Variants in NIT2 observed in about 807,000 individuals in gnomAD.
NIT2 encodes the protein nitrilase family member 2, also known as omega-amidase NIT2.
A neutral mutation model predicts 42.7 loss-of-function variants in NIT2; 46 were observed. The observed-to-expected ratio is 1.08, with a 90% CI of 0.85 to 1.38. The LOEUF is 1.38. Ranked by LOEUF, NIT2 falls within the 40% of genes most tolerant of loss-of-function variation. The pLI, the probability that NIT2 is intolerant of heterozygous loss-of-function variation, is 0.00. For synonymous variants in NIT2, 123 were observed against 121.9 expected (o/e 1.01, Z -0.06); for missense variants, 309 against 342.5 (o/e 0.90, Z 0.77).
intron 3 of NIT2, 25 bp from the exon 4 acceptor site, chr3:100,341,048 G>T (rs764901312): frequency 1.1e-5 from 17 of 1,482,756 alleles, no homozygotes; most frequent in Non-Finnish European, 1.6e-5. Flanking sequence ...TTTTTCTTAT[G>T]GTATGTTTCT....
Position 100,348,845 on chromosome 3 carries a change from C to CTGG in NIT2, c.549_551dup (p.Gly184dup). The CTGG allele has an allele frequency of 6.2e-7, 1 of 1,614,118 alleles. No individual in the cohort carries two copies. The highest frequency in any genetic ancestry group is 8.5e-7 in the Non-Finnish European group (1 of 1,179,960). ...TATCCAGGAGCTTTTAATCTGACCA[C>CTGG]TGGACCAGCCCATTGGGAGTTACTT... On this transcript the variant is annotated inframe_insertion, in exon 7 of 10. Coordinates refer to ENST00000394140, the MANE Select transcript of NIT2 (RefSeq NM_020202.5).
At chr3:100,344,031 G>T (rs1444631660) in intron 4 of NIT2, among the ~76,000 whole-genome samples, 1 of 152,188 alleles carries the variant, frequency 6.6e-6, no homozygotes, top group East Asian at 1.9e-4. Context: ...CTATCTGGTT[G>T]TTCTGCCCCA....
intron 1 of NIT2, among the ~76,000 whole-genome samples, chr3:100,337,268 T>C (rs1023659141): frequency 1.6e-4 from 24 of 152,002 alleles, no homozygotes; most frequent in Non-Finnish European, 2.9e-4. Context: ...AGTAATAATC[T>C]GATCGCTCTT....
At position 100,339,111 on chromosome 3, in the gene NIT2, T is replaced by C; in HGVS notation, c.32T>C (p.Leu11Pro). 1.2e-6 allele frequency: 2 copies of C among 1,613,992 alleles called. No homozygotes were observed. Among genetic ancestry groups the C allele is most frequent in the Non-Finnish European group, 1.7e-6 (2 of 1,179,866 alleles). MTSFRLALIQ[L>P]QISSIKSDNV... is the part of the protein sequence containing the mutation. ...GCTTTCCGCTTGGCCCTCATCCAGC[T>C]TCAGATTTCTTCCATCAAATCAGAT... The change falls in exon 2 of 10, where the codon CTT (leucine) becomes CCT (proline). Residue 11 changes from leucine to proline, a missense_variant. Leu to Pro is a moderately conservative substitution (Grantham distance 98). Transcript: ENST00000394140.
Position 100,339,934 on chromosome 3 carries a change from A to C in NIT2, c.246A>C (p.Gly82=), listed in dbSNP as rs371053950. Residue 82 remains glycine, a splice_region_variant and synonymous_variant, in exon 3 of 10, where the codon GGA becomes GGC. Transcript: ENST00000394140. ...AGGAATGCAGCATATATCTCATTGGAGGTAACTTCCTACCCACAAGGTATA... is the reference window on the plus strand; with the variant it reads ...AGGAATGCAGCATATATCTCATTGGCGGTAACTTCCTACCCACAAGGTATA... ...VAKECSIYLI[G]GSIPEEDAGK... 5.3e-5 allele frequency: 85 copies of C among 1,611,078 alleles called. No homozygotes were observed. The highest frequency in any genetic ancestry group is 7.0e-5 in the Non-Finnish European group (83 of 1,178,726).
At position 100,352,018 on chromosome 3, in the gene NIT2, A is replaced by G. The variant is rs529711025; in HGVS notation, c.585-386A>G. ...AAAACACATGAAAAAAATGCTCACC[A>G]TCAGTGGCCATCAGAGAAATGCAAA... On this transcript the variant is annotated intron_variant, in intron 7 of 9. Transcript: ENST00000394140. 6.6e-5 allele frequency among the ~76,000 whole-genome samples: 10 copies of G among 152,338 alleles called. No homozygotes were observed. In the South Asian group the frequency reaches 2.1e-3, roughly 32 times the overall value.
intron 8 of NIT2, among the ~76,000 whole-genome samples, chr3:100,354,093 G>A (rs962164882): frequency 6.6e-6 from 1 of 152,186 alleles, no homozygotes; most frequent in African/African-American, 2.4e-5. Context: ...GGTTTTACAG[G>A]TCAGCCTTAC....
Position 100,356,359 on chromosome 3 carries a change from T to C in NIT2, c.*1091T>C, listed in dbSNP as rs953008705. 6.6e-6 allele frequency: 1 copy of C among 152,246 alleles called. No homozygotes were observed. Among genetic ancestry groups the C allele is most frequent in the African/African-American group, 2.4e-5 (1 of 41,470 alleles). The allele number at this position is 152,246 out of a possible 1,614,324, so 9.4% of individuals were successfully genotyped here. On this transcript the variant is annotated 3_prime_UTR_variant, in exon 10 of 10. Transcript: ENST00000394140. The stretch of plus-strand genomic sequence containing the variant: ...TGCATGACACCTCTAAACACAGAGT[T>C]GGGAATAGATGTGCACAATCAGCTC...
intron 4 of NIT2, among the ~76,000 whole-genome samples, chr3:100,344,600 A>G (rs1329708120): frequency 2.6e-5 from 4 of 151,984 alleles, no homozygotes; most frequent in African/African-American, 9.7e-5. Context: ...AACATTTGTG[A>G]GATTTATTCC....
intron 4 of NIT2, among the ~76,000 whole-genome samples, chr3:100,342,638 T>C (rs952715879): frequency 6.6e-6 from 1 of 152,036 alleles, no homozygotes; most frequent in African/African-American, 2.4e-5. Flanking sequence ...CTTATAATGA[T>C]ATAGGTCCAT....
At chr3:100,350,012 G>T (rs554033544) in intron 7 of NIT2, 12 of 152,250 alleles carry the variant, frequency 7.9e-5, no homozygotes, top group Non-Finnish European at 1.3e-4. Flanking sequence ...ATAGAGGTTG[G>T]TGAATTTTTG....
At chr3:100,348,689 T>C (rs1706242044) in intron 6 of NIT2, 114 bp from the exon 7 acceptor site, 1 of 766,240 alleles carries the variant, frequency 1.3e-6, no homozygotes, top group Non-Finnish European at 2.2e-6. Flanking sequence ...GCTGACATCT[T>C]TTTATGTTTG....
chr3:100,342,759 A>G (rs1194814106), intron 4 of NIT2, among the ~76,000 whole-genome samples: 2 of 152,104 alleles, frequency 1.3e-5, no homozygotes, highest in African/African-American at 4.8e-5. Context: ...TTAAATAGTC[A>G]TATGTATTTT....
chr3:100,342,235 T>C (rs1219419639), intron 4 of NIT2, among the ~76,000 whole-genome samples: 1 of 152,226 alleles, frequency 6.6e-6, no homozygotes, highest in Non-Finnish European at 1.5e-5. Context: ...TTCCAGTTCT[T>C]TGTTCTCAAG....
intron 4 of NIT2, among the ~76,000 whole-genome samples, chr3:100,343,934 GT>G (rs915730705): frequency 6.6e-6 from 1 of 152,182 alleles, no homozygotes; most frequent in African/African-American, 2.4e-5. Flanking sequence ...TGAATATTTT[GT>G]TTTAACTGAT....
intron 1 of NIT2, among the ~76,000 whole-genome samples, chr3:100,337,000 G>T (rs944366599): frequency 6.6e-6 from 1 of 152,206 alleles, no homozygotes; most frequent in East Asian, 1.9e-4. Flanking sequence ...GCGGCCTTCC[G>T]CAGTGTTTGT....
In NIT2 at chr3:100,359,363, T is replaced by C. The variant is rs1297926129; in HGVS notation, c.*4095T>C. 6.6e-6 allele frequency: 1 copy of C among 152,256 alleles called. No homozygotes were observed. The highest frequency in any genetic ancestry group is 1.5e-5 in the Non-Finnish European group (1 of 68,050). 9.4% of individuals were successfully genotyped at this position (152,256 alleles called of 1,614,324 possible). A position where few individuals can be genotyped will look rare whatever the true frequency, so the allele number is the denominator to read the frequency against. ...TGCTAACTAGGCTTTAAGTCTTTTG[T>C]CTGTAGATTCATTCTCAAAGTTTCT... On this transcript the variant is annotated 3_prime_UTR_variant, in exon 10 of 10. Transcript: ENST00000394140.
chr3:100,336,167 A>G (rs1559822022), intron 1 of NIT2, among the ~76,000 whole-genome samples: 1 of 152,236 alleles, frequency 6.6e-6, no homozygotes. Context: ...CCCTGAGCCA[A>G]ACAGGCCTTC....
At chr3:100,336,895 C>T (rs1298471122) in intron 1 of NIT2, among the ~76,000 whole-genome samples, 3 of 152,166 alleles carry the variant, frequency 2.0e-5, no homozygotes, top group Non-Finnish European at 4.4e-5. Context: ...GGCTGGGGGA[C>T]GGTCAGGTCT....
Sources: allele counts gnomAD v4.1 joint callset (sites outside exome capture counted in the v4.1 genomes callset), GRCh38; gene constraint gnomAD v4.1.1; transcripts MANE v1.5; gene names NCBI Gene and HGNC (gene_info 2026-07-23, HGNC 2026-07-21).